Variants in SEMA6D observed in about 807,000 individuals in gnomAD.
The protein encoded by SEMA6D is semaphorin-6D.
In SEMA6D, 35 loss-of-function variants were observed where a neutral mutation model predicts 106.6. That is an observed-to-expected ratio of 0.33 (90% confidence interval 0.25 to 0.44). The LOEUF (loss-of-function observed/expected upper bound fraction) is 0.44. Among genes scored for constraint, SEMA6D ranks in the 20% least tolerant of loss-of-function variants. The pLI is 1.00. For missense variants in SEMA6D, 1,185 were observed against 1,345.9 expected, an observed-to-expected ratio of 0.88 and a Z score of 1.87; for synonymous variants, 499 against 487.7, an observed-to-expected ratio of 1.02 and a Z score of -0.31.
intron 3 of SEMA6D, among the ~76,000 whole-genome samples, chr15:47,523,236 A>G (rs1210215487): frequency 6.6e-6 from 1 of 152,136 alleles, no homozygotes; most frequent in African/African-American, 2.4e-5. Flanking sequence ...TGAATAAAGC[A>G]CAGTGCTTAC....
At chr15:47,471,211 A>G (rs542978325) in intron 3 of SEMA6D, among the ~76,000 whole-genome samples, 1 of 152,112 alleles carries the variant, frequency 6.6e-6, no homozygotes, top group Non-Finnish European at 1.5e-5. Context: ...AGTGGACTTC[A>G]TTGTGACTTT....
At chr15:47,736,614 T>C (rs1451830351) in intron 1 of SEMA6D, among the ~76,000 whole-genome samples, 1 of 152,210 alleles carries the variant, frequency 6.6e-6, no homozygotes, top group African/African-American at 2.4e-5. Flanking sequence ...AGAAGGCTGG[T>C]ACAGAAAATG....
intron 1 of SEMA6D, among the ~76,000 whole-genome samples, chr15:47,288,605 T>C (rs2035467876): frequency 6.6e-6 from 1 of 152,172 alleles, no homozygotes; most frequent in South Asian, 2.1e-4. Context: ...CAATAAATAC[T>C]GAATGGTTAA....
chr15:47,456,141 C>G (rs753476298), intron 2 of SEMA6D, among the ~76,000 whole-genome samples: 13 of 152,018 alleles, frequency 8.6e-5, no homozygotes, highest in African/African-American at 3.1e-4. Flanking sequence ...CAGCAGGAAG[C>G]TTGACCAAAC....
intron 3 of SEMA6D, among the ~76,000 whole-genome samples, chr15:47,489,124 A>T (rs2043386047): frequency 6.6e-6 from 1 of 152,176 alleles, no homozygotes; most frequent in Admixed American, 6.5e-5. Context: ...AAGTGTCCTT[A>T]TAAATAGAGG....
intron 4 of SEMA6D, among the ~76,000 whole-genome samples, chr15:47,700,723 G>A (rs2078793181): frequency 1.3e-5 from 2 of 151,966 alleles, no homozygotes; most frequent in Admixed American, 1.3e-4. Context: ...CCAGGGGTTC[G>A]AGGCCAGCCT....
intron 1 of SEMA6D, among the ~76,000 whole-genome samples, chr15:47,751,422 C>T (rs559260398): frequency 4.6e-5 from 7 of 152,218 alleles, no homozygotes; most frequent in African/African-American, 1.7e-4. Flanking sequence ...TTTCATGACC[C>T]ATAGTTGGTA....
rs188091724 is a variant in SEMA6D, at chr15:47,519,844, A to G, written c.-87+49299A>G. On this transcript the variant is annotated intron_variant, in intron 3 of 19. Transcript: ENST00000558014. ...AGGATGATTGATGTGAGGCCTATGAAGTTCTTTGAGCTTCTTGGGAGAAAT... is the reference window on the plus strand; with the variant it reads ...AGGATGATTGATGTGAGGCCTATGAGGTTCTTTGAGCTTCTTGGGAGAAAT... Among the ~76,000 whole-genome samples the G allele has an allele frequency of 5.5e-3, 840 of 152,286 alleles. 6 individuals carry two copies. The highest frequency in any genetic ancestry group is 0.015 in the Admixed American group (224 of 15,300).
At chr15:47,501,730 T>C (rs2043854428) in intron 3 of SEMA6D, among the ~76,000 whole-genome samples, 1 of 152,202 alleles carries the variant, frequency 6.6e-6, no homozygotes, top group South Asian at 2.1e-4. Flanking sequence ...AAACCATTAT[T>C]TGATGCAGCA....
At chr15:47,519,240 C>G (rs556294388) in intron 3 of SEMA6D, among the ~76,000 whole-genome samples, 2 of 152,282 alleles carry the variant, frequency 1.3e-5, no homozygotes, top group South Asian at 2.1e-4. Context: ...ATGCATTAGA[C>G]TTTGTACAAA....
intron 3 of SEMA6D, among the ~76,000 whole-genome samples, chr15:47,503,065 T>C (rs1392880862): frequency 6.6e-6 from 1 of 152,228 alleles, no homozygotes; most frequent in East Asian, 1.9e-4. Flanking sequence ...CACTATCTTA[T>C]ACTTGCTTTT....
intron 3 of SEMA6D, among the ~76,000 whole-genome samples, chr15:47,596,879 A>G (rs1005388378): frequency 5.9e-5 from 9 of 152,076 alleles, no homozygotes; most frequent in African/African-American, 2.2e-4. Context: ...TTGAGCAATT[A>G]TTTTTTTAAT....
At chr15:47,251,907 ATTTTTTTTTTT>A (rs994788645) in intron 1 of SEMA6D, among the ~76,000 whole-genome samples, 2 of 81,996 alleles carry the variant, frequency 2.4e-5, no homozygotes, top group Non-Finnish European at 4.6e-5. Context: ...TTCTAATTGG[ATTTTTTTTTTT>A]TTTTTTTTTT....
chr15:47,502,056 G>T (rs1017144134), intron 3 of SEMA6D, among the ~76,000 whole-genome samples: 30 of 152,000 alleles, frequency 2.0e-4, no homozygotes, highest in South Asian at 6.2e-4. Context: ...AATATCTCCT[G>T]ATGTTTCCTC....
intron 4 of SEMA6D, among the ~76,000 whole-genome samples, chr15:47,661,207 T>C (rs1228024773): frequency 1.2e-4 from 19 of 152,244 alleles, no homozygotes; most frequent in Admixed American, 1.2e-3. Flanking sequence ...CTAAGAAATG[T>C]ATACAAAGAT....
At chr15:47,676,065 ACT>A in intron 4 of SEMA6D, among the ~76,000 whole-genome samples, 1 of 151,572 alleles carries the variant, frequency 6.6e-6, no homozygotes, top group East Asian at 1.9e-4. Flanking sequence ...CTGTTGGGTG[ACT>A]CTGCAGTCGG....
chr15:47,359,608 T>C (rs2145059487), intron 1 of SEMA6D: 1 of 152,264 alleles, frequency 6.6e-6, no homozygotes, highest in African/African-American at 2.4e-5. Context: ...GAAAGTTACC[T>C]TAAAATTCAG....
chr15:47,760,073 G>A (rs1174539612), intron 2 of SEMA6D, 166 bp downstream of exon 2: 2 of 669,632 alleles, frequency 3.0e-6, no homozygotes, highest in Non-Finnish European at 2.5e-6. Context: ...GAGAAAACGG[G>A]GCAGTTTTGT....
chr15:47,439,196 A>T (rs912533070), intron 2 of SEMA6D, among the ~76,000 whole-genome samples: 1 of 152,110 alleles, frequency 6.6e-6, no homozygotes, highest in Non-Finnish European at 1.5e-5. Context: ...TATACCCAGA[A>T]ATTTATTTCA....
Sources: gnomAD v4.1 joint callset for allele counts (sites outside exome capture counted in the v4.1 genomes callset) on GRCh38, gnomAD v4.1.1 for gene constraint, MANE v1.5 for transcripts, NCBI Gene and HGNC (gene_info 2026-07-23, HGNC 2026-07-21) for gene names.